Variants in HFM1 observed in about 807,000 individuals in gnomAD.
HFM1 encodes the protein probable ATP-dependent DNA helicase HFM1.
In HFM1, 169 loss-of-function variants were observed where a neutral mutation model predicts 192.1. The observed-to-expected ratio is 0.88, with a 90% CI of 0.78 to 1.00. The LOEUF is 1.00. HFM1 is among the 50% of genes least tolerant of loss of function. The pLI is 0.00. For synonymous variants in HFM1, 525 were observed against 537.8 expected (o/e 0.98, Z 0.33); for missense variants, 1,661 against 1,668.0 (o/e 1.00, Z 0.07).
rs1284782632 is a variant in HFM1 at position 91,380,157 on chromosome 1, G to T, written c.953C>A (p.Thr318Lys). 2.0e-6 allele frequency: 3 copies of T among 1,510,610 alleles called. No homozygotes were observed. The highest frequency in any genetic ancestry group is 2.7e-6 in the Non-Finnish European group (3 of 1,097,942). The allele number at this position is 1,510,610 out of a possible 1,614,324, so 93.6% of individuals were successfully genotyped here. A position where few individuals can be genotyped will look rare whatever the true frequency, so the allele number is the denominator to read the frequency against. Residue 318 changes from threonine to lysine, a missense_variant, in exon 8 of 39, where the codon ACA becomes AAA. Physicochemically the swap from Thr to Lys is moderately conservative, Grantham distance 78. Transcript: ENST00000370425. ...GKTVVFELAI[T>K]RLLMEVPLPW... ...CAATGGTACTTCCATTAACAATCTT[G>T]TTATAGCTAGTTCAAACACTACAGT...
rs79168347 is a variant in HFM1, at chr1:91,395,698, C to T, written c.184+595G>A. ...AAAGAAATTTTAATTGTTTACATAACGAGTATACATATTTTGGGGGGGTAT... is the reference window on the plus strand; with the variant it reads ...AAAGAAATTTTAATTGTTTACATAATGAGTATACATATTTTGGGGGGGTAT... On this transcript the variant is annotated intron_variant, in intron 3 of 38. Coordinates refer to ENST00000370425, the MANE Select transcript of HFM1 (RefSeq NM_001017975.6). 8.5e-3 allele frequency among the ~76,000 whole-genome samples: 1,286 copies of T among 151,938 alleles called. 10 individuals are homozygous for T. The highest frequency in any genetic ancestry group is 0.015 in the Non-Finnish European group (998 of 67,988).
At chr1:91,371,965 C>A (rs1423670919) in intron 13 of HFM1, among the ~76,000 whole-genome samples, 1 of 152,156 alleles carries the variant, frequency 6.6e-6, no homozygotes, top group African/African-American at 2.4e-5. Flanking sequence ...GACATTTATG[C>A]AGCCAACAGA....
chr1:91,336,503 T>C (rs1654595241), intron 20 of HFM1, among the ~76,000 whole-genome samples: 1 of 152,104 alleles, frequency 6.6e-6, no homozygotes, highest in African/African-American at 2.4e-5. Flanking sequence ...CCCAGTTTAG[T>C]GACTCTTCCA....
chr1:91,326,784 CA>C (rs1487576891), intron 20 of HFM1, among the ~76,000 whole-genome samples: 1 of 149,658 alleles, frequency 6.7e-6, no homozygotes, highest in Non-Finnish European at 1.5e-5. Flanking sequence ...ATGAAGCAAT[CA>C]AAAATAATAG....
At chr1:91,341,655 C>A (rs535491725) in intron 20 of HFM1, among the ~76,000 whole-genome samples, 2 of 151,964 alleles carry the variant, frequency 1.3e-5, no homozygotes, top group South Asian at 4.2e-4. Flanking sequence ...GATATTGGTT[C>A]TTTGAAAGAA....
At chr1:91,262,169 A>G in intron 38 of HFM1, 72 bp downstream of exon 38, 1 of 688,344 alleles carries the variant, frequency 1.5e-6, no homozygotes, top group Non-Finnish European at 2.3e-6. Context: ...GAAAAGGAAA[A>G]CGGAAGGCTG....
At chr1:91,393,857 G>C (rs1663303737) in intron 4 of HFM1, among the ~76,000 whole-genome samples, 1 of 152,036 alleles carries the variant, frequency 6.6e-6, no homozygotes, top group Non-Finnish European at 1.5e-5. Context: ...AGATTCCTGT[G>C]TCCCACCTGG....
chr1:91,384,983 T>A (rs1385008927), intron 6 of HFM1, among the ~76,000 whole-genome samples: 1 of 152,076 alleles, frequency 6.6e-6, no homozygotes, highest in Non-Finnish European at 1.5e-5. Context: ...GACCTCGTGA[T>A]CTGCCTGCCT....
In HFM1 at chr1:91,273,770, C is replaced by A; in HGVS notation, c.3714G>T (p.Trp1238Cys). ...CTTTTCCATAGATTTCAGGCTGATC[C>A]CACTGCTCCATTATAGGCAATTCAG... is the stretch of plus-strand genomic sequence containing the variant. ...NISELPIMEQ[W>C]DQPEIYGKVR... Residue 1238 changes from tryptophan (W) to cysteine (C), a missense_variant, in exon 34 of 39, where the codon TGG becomes TGT. By Grantham distance (215) the Trp-to-Cys change is radical. Coordinates refer to ENST00000370425, the MANE Select transcript of HFM1 (RefSeq NM_001017975.6). The A allele has an allele frequency of 6.2e-7, 1 of 1,602,268 alleles. No homozygotes were observed.
chr1:91,326,897 T>C (rs1653003548), intron 20 of HFM1, among the ~76,000 whole-genome samples: 1 of 152,204 alleles, frequency 6.6e-6, no homozygotes, highest in Non-Finnish European at 1.5e-5. Context: ...GTCTATTAGT[T>C]TTCTTTTTAC....
chr1:91,374,091 T>C lies in HFM1; in HGVS notation c.1685+1267A>G, dbSNP rs551319074. On this transcript the variant is annotated intron_variant, in intron 13 of 38. Transcript: ENST00000370425. ...TTAAAGTTTAGACATGAAGGATAAA[T>C]AGGAGTTAGGTGAAAACCATTCCAG... Among the ~76,000 whole-genome samples, 22 of 152,252 alleles carry C rather than the reference T, an allele frequency of 1.4e-4. 1 individual carries two copies. Among genetic ancestry groups the C allele is most frequent in the Admixed American group, 1.2e-3 (19 of 15,270 alleles).
intron 13 of HFM1, among the ~76,000 whole-genome samples, chr1:91,363,655 T>C (rs1658837591): frequency 6.6e-6 from 1 of 152,036 alleles, no homozygotes; most frequent in African/African-American, 2.4e-5. Context: ...CAACCAGAAA[T>C]ACCATTTGAC....
intron 20 of HFM1, among the ~76,000 whole-genome samples, chr1:91,342,075 C>T (rs1212216313): frequency 1.4e-5 from 2 of 146,046 alleles, no homozygotes; most frequent in Admixed American, 6.8e-5. Context: ...GGACTCCTCC[C>T]TAACTCATTC....
chr1:91,336,902 T>A (rs913623854), intron 20 of HFM1, among the ~76,000 whole-genome samples: 3 of 152,106 alleles, frequency 2.0e-5, no homozygotes, highest in Non-Finnish European at 4.4e-5. Flanking sequence ...TATGCAGCCA[T>A]GAAAAGGAAT....
In HFM1 at chr1:91,282,953, A is replaced by G. The variant is rs573899427; in HGVS notation, c.3392-5891T>C. On this transcript the variant is annotated intron_variant, in intron 30 of 38. Coordinates refer to ENST00000370425, the MANE Select transcript of HFM1 (RefSeq NM_001017975.6). ...AACTAGGATCTGGGACTCTAATTAGAGAGATTCCGAGGGCTCCCAAAAATT... is the reference window on the plus strand; with the variant it reads ...AACTAGGATCTGGGACTCTAATTAGGGAGATTCCGAGGGCTCCCAAAAATT... Among the ~76,000 whole-genome samples the G allele has an allele frequency of 4.5e-4, 68 of 152,292 alleles. 1 individual carries two copies. The highest frequency in any genetic ancestry group is 1.6e-3 in the African/African-American group (67 of 41,566).
chr1:91,380,338 G>T, intron 7 of HFM1, 102 bp from the exon 8 acceptor site: 1 of 688,872 alleles, frequency 1.5e-6, no homozygotes, highest in Non-Finnish European at 2.2e-6. Context: ...AGGAATAATA[G>T]TTCAAACATT....
rs570857226 is a variant in HFM1, at chr1:91,370,803, C to T, written c.1685+4555G>A. ...TTAGGAAAAGAGGAAGTCAAATTGT[C>T]CCTGTTTGCAGAAGACATGATTGTA... On this transcript the variant is annotated intron_variant, in intron 13 of 38. Transcript: ENST00000370425. Among the ~76,000 whole-genome samples the T allele has an allele frequency of 5.3e-5, 8 of 152,244 alleles. No homozygotes were observed. The East Asian group carries it at 1.4e-3, about 26-fold the overall frequency.
chr1:91,268,696 A>G (rs1665997800), intron 34 of HFM1, among the ~76,000 whole-genome samples: 1 of 152,044 alleles, frequency 6.6e-6, no homozygotes, highest in African/African-American at 2.4e-5. Flanking sequence ...CGTTTTACAA[A>G]TAACAACATA....
chr1:91,326,180 G>A (rs1014528287), intron 20 of HFM1, among the ~76,000 whole-genome samples: 4 of 152,186 alleles, frequency 2.6e-5, no homozygotes, highest in Non-Finnish European at 5.9e-5. Flanking sequence ...TACAAAAAGA[G>A]ATGGCAGTAA....
Sources: gnomAD v4.1 joint callset for allele counts (sites outside exome capture counted in the v4.1 genomes callset) on GRCh38, gnomAD v4.1.1 for gene constraint, MANE v1.5 for transcripts, NCBI Gene and HGNC (gene_info 2026-07-23, HGNC 2026-07-21) for gene names.